SHANK2: variants seen among roughly 807,000 people sequenced by gnomAD.
SHANK2 encodes SH3 and multiple ankyrin repeat domains 2, also known as SH3 and multiple ankyrin repeat domains protein 2.
SHANK2 carries 43 observed loss-of-function variants against 133.7 expected under a neutral mutation model. The observed-to-expected ratio is 0.32, with a 90% CI of 0.25 to 0.41. The LOEUF is 0.41. Ranked by LOEUF, SHANK2 falls within the 10% of genes least tolerant of loss-of-function variation. The probability of loss-of-function intolerance (pLI) is 1.00; values close to 1 mark genes in which losing one functional copy is unlikely to be tolerated. For synonymous variants in SHANK2, 1,017 were observed against 952.8 expected (o/e 1.07, Z -1.24); for missense variants, 1,994 against 2,235.8 (o/e 0.89, Z 2.18).
At chr11:71,086,191 T>A (rs1951409205) in intron 8 of SHANK2, among the ~76,000 whole-genome samples, 1 of 13,124 alleles carries the variant, frequency 7.6e-5, no homozygotes, top group African/African-American at 1.6e-4. Context: ...TTATATAATA[T>A]ATTAAATTAT....
At chr11:71,148,778 C>CA (rs782320252) in intron 2 of SHANK2, among the ~76,000 whole-genome samples, 36 of 152,336 alleles carry the variant, frequency 2.4e-4, no homozygotes, top group Middle Eastern at 3.4e-3. Flanking sequence ...TGAAACATAA[C>CA]ACTGTGCAAA....
At chr11:71,166,246 T>C (rs1194967152) in intron 2 of SHANK2, among the ~76,000 whole-genome samples, 1 of 152,114 alleles carries the variant, frequency 6.6e-6, no homozygotes, top group Non-Finnish European at 1.5e-5. Context: ...CTGCAACAGA[T>C]AGTCTGTGGG....
chr11:71,129,368 G>A (rs1192259165), intron 3 of SHANK2, among the ~76,000 whole-genome samples: 4 of 152,004 alleles, frequency 2.6e-5, no homozygotes, highest in Non-Finnish European at 5.9e-5. Flanking sequence ...GGTTGGCCAT[G>A]CTGTTGAACA....
intron 15 of SHANK2, among the ~76,000 whole-genome samples, chr11:70,666,582 C>T (rs996734298): frequency 6.6e-6 from 1 of 152,160 alleles, no homozygotes; most frequent in African/African-American, 2.4e-5. Flanking sequence ...CAGAGTCTGC[C>T]CTGACCTTGG....
chr11:71,057,914 G>GTTTT lies in SHANK2; in HGVS notation c.1030-1360_1030-1357dup, dbSNP rs879235729. Among the ~76,000 whole-genome samples, 894 of 121,078 alleles carry GTTTT rather than the reference G, an allele frequency of 7.4e-3. 46 individuals are homozygous for GTTTT. The highest frequency in any genetic ancestry group is 0.031 in the African/African-American group (855 of 27,722). The allele number at this position is 121,078 out of a possible 152,430, so 79.4% of individuals were successfully genotyped here. A position where few individuals can be genotyped will look rare whatever the true frequency, so the allele number is the denominator to read the frequency against. On this transcript the variant is annotated intron_variant, in intron 9 of 25. Transcript: ENST00000601538. ...AATGTTGTTAAAAGCAAGCAAAACG[G>GTTTT]TTTTTTTTTTTTTTTTTGAGACAGG...
chr11:70,875,791 G>C (rs1555071115), intron 11 of SHANK2, among the ~76,000 whole-genome samples: 1 of 151,160 alleles, frequency 6.6e-6, no homozygotes, highest in East Asian at 1.9e-4. Context: ...GGGAGGTCGA[G>C]ACCGCAGTTG....
At chr11:70,592,304 T>G (rs2136276298) in intron 17 of SHANK2, among the ~76,000 whole-genome samples, 1 of 152,270 alleles carries the variant, frequency 6.6e-6, no homozygotes, top group African/African-American at 2.4e-5. Context: ...GACTGGGTCC[T>G]GCCTGGGGAG....
At chr11:71,156,418 G>A (rs181029792) in intron 2 of SHANK2, among the ~76,000 whole-genome samples, 154 of 152,228 alleles carry the variant, frequency 1.0e-3, no homozygotes, top group African/African-American at 2.9e-3. Flanking sequence ...CTGAGTTTCC[G>A]CCCTCCACTG....
chr11:71,232,136 C>A (rs534740447), intron 1 of SHANK2, among the ~76,000 whole-genome samples: 62 of 152,264 alleles, frequency 4.1e-4, no homozygotes, highest in African/African-American at 1.5e-3. Flanking sequence ...AGGCTACTTA[C>A]TGTGTGATTC....
intron 15 of SHANK2, among the ~76,000 whole-genome samples, chr11:70,673,055 T>C (rs1944844314): frequency 6.6e-6 from 1 of 152,344 alleles, no homozygotes; most frequent in Middle Eastern, 3.4e-3. Flanking sequence ...TATGTGGTCT[T>C]TGATGCAGGC....
At chr11:71,163,850 G>T (rs1405347879) in intron 2 of SHANK2, among the ~76,000 whole-genome samples, 3 of 152,206 alleles carry the variant, frequency 2.0e-5, no homozygotes, top group African/African-American at 7.2e-5. Context: ...ACAGAAGGAA[G>T]AATGCAAAAT....
rs560145349 is a variant in SHANK2 at position 70,849,943 on chromosome 11, C to T, written c.1175-29261G>A. Among the ~76,000 whole-genome samples the T allele has an allele frequency of 2.6e-5, 4 of 152,250 alleles. No individual in the cohort carries two copies. In the East Asian group the frequency reaches 7.7e-4, roughly 29 times the overall value. ...AGGTGACCATTACACCATCTGTCTC[C>T]AGAACTTTTTCATCTTCCCAAACTG... On this transcript the variant is annotated intron_variant, in intron 11 of 25. Coordinates refer to ENST00000601538, the MANE Select transcript of SHANK2 (RefSeq NM_012309.5).
At chr11:71,093,375 C>T (rs1282367123) in intron 7 of SHANK2, among the ~76,000 whole-genome samples, 6 of 152,150 alleles carry the variant, frequency 3.9e-5, no homozygotes, top group Non-Finnish European at 7.4e-5. Context: ...AGGAAGCCAA[C>T]GGGTACGGTG....
chr11:70,639,605 T>C lies in SHANK2; in HGVS notation c.2061+20223A>G, dbSNP rs539737307. Among the ~76,000 whole-genome samples, 15 of 152,304 alleles carry C rather than the reference T, an allele frequency of 9.8e-5. No individual in the cohort carries two copies. In the East Asian group the frequency reaches 2.9e-3, roughly 29 times the overall value. On this transcript the variant is annotated intron_variant, in intron 17 of 25. Coordinates refer to ENST00000601538, the MANE Select transcript of SHANK2 (RefSeq NM_012309.5). The stretch of plus-strand genomic sequence containing the variant: ...CACCACAGCAAAGAGGGCCTGGTTT[T>C]TCTTTTTCTTTTCTTTTTGAGAGTC...
intron 17 of SHANK2, among the ~76,000 whole-genome samples, chr11:70,573,562 G>C: frequency 6.7e-6 from 1 of 148,614 alleles, no homozygotes; most frequent in African/African-American, 2.5e-5. Flanking sequence ...GGGGGGGGTG[G>C]GGCATGGCAT....
intron 14 of SHANK2, among the ~76,000 whole-genome samples, chr11:70,774,354 C>T (rs782385669): frequency 6.6e-6 from 1 of 151,824 alleles, no homozygotes; most frequent in Non-Finnish European, 1.5e-5. Flanking sequence ...GAGTCTTACT[C>T]TGTTGCCCAG....
At chr11:71,164,124 T>G (rs1185648352) in intron 2 of SHANK2, among the ~76,000 whole-genome samples, 1 of 152,170 alleles carries the variant, frequency 6.6e-6, no homozygotes, top group Non-Finnish European at 1.5e-5. Context: ...CTCCCCACAG[T>G]TGACTTGGGT....
intron 6 of SHANK2, among the ~76,000 whole-genome samples, chr11:71,102,457 G>A (rs1265614188): frequency 6.6e-6 from 1 of 152,146 alleles, no homozygotes; most frequent in African/African-American, 2.4e-5. Context: ...CAGGGACGCG[G>A]GGCCCAGGTC....
At chr11:70,886,147 G>A (rs904494667) in intron 11 of SHANK2, among the ~76,000 whole-genome samples, 7 of 152,064 alleles carry the variant, frequency 4.6e-5, no homozygotes, top group East Asian at 1.9e-4. Flanking sequence ...ACTCGGTCCC[G>A]CGAAGAGGGA....
Sources: allele counts gnomAD v4.1 joint callset (sites outside exome capture counted in the v4.1 genomes callset), GRCh38; gene constraint gnomAD v4.1.1; transcripts MANE v1.5; gene names NCBI Gene and HGNC (gene_info 2026-07-23, HGNC 2026-07-21).